KIF6: variants seen among roughly 807,000 people sequenced by gnomAD.
The protein encoded by KIF6 is kinesin-like protein KIF6.
In KIF6, 106 loss-of-function variants were observed where a neutral mutation model predicts 112.7. The ratio of observed to expected loss-of-function variants is 0.94; its 90% CI spans 0.80 to 1.11. The LOEUF is 1.11. Ranked by LOEUF, KIF6 falls within the 50% of genes least tolerant of loss-of-function variation. The pLI is 0.00. For synonymous variants in KIF6, 339 were observed against 339.9 expected, an observed-to-expected ratio of 1.00 and a Z score of 0.03; for missense variants, 929 against 964.0, an observed-to-expected ratio of 0.96 and a Z score of 0.48.
At chr6:39,540,444 T>C (rs1284354591) in intron 12 of KIF6, among the ~76,000 whole-genome samples, 1 of 152,212 alleles carries the variant, frequency 6.6e-6, no homozygotes, top group Non-Finnish European at 1.5e-5. Context: ...CGCAAGGTCT[T>C]TACAATGTTC....
intron 3 of KIF6, among the ~76,000 whole-genome samples, chr6:39,696,113 A>G (rs1788521260): frequency 6.6e-6 from 1 of 152,124 alleles, no homozygotes; most frequent in Admixed American, 6.5e-5. Flanking sequence ...AACAATAAGC[A>G]CTGGGGATTC....
At chr6:39,602,387 A>G (rs951400553) in intron 6 of KIF6, among the ~76,000 whole-genome samples, 11 of 152,064 alleles carry the variant, frequency 7.2e-5, no homozygotes, top group African/African-American at 2.7e-4. Flanking sequence ...TTTACTTCTC[A>G]CTGAAGTTCC....
intron 10 of KIF6, among the ~76,000 whole-genome samples, chr6:39,573,162 GACA>G (rs1319813478): frequency 6.6e-6 from 1 of 151,934 alleles, no homozygotes; most frequent in Non-Finnish European, 1.5e-5. Flanking sequence ...ACTGTGTCCT[GACA>G]AGCTCTGGGA....
chr6:39,419,933 A>G lies in KIF6; in HGVS notation c.1810+15T>C. On this transcript the variant is annotated intron_variant, in intron 15 of 22. Transcript: ENST00000287152. ...ATGGTTTCTGAAAGAGGCTCACAGA[A>G]TATCATCTGCTTACCAATTTTACTT... 6.2e-7 allele frequency: 1 copy of G among 1,606,880 alleles called. No homozygotes were observed. The highest frequency in any genetic ancestry group is 1.7e-5 in the Admixed American group (1 of 60,022).
intron 22 of KIF6, among the ~76,000 whole-genome samples, chr6:39,339,588 G>T (rs1763210169): frequency 6.6e-6 from 1 of 152,006 alleles, no homozygotes; most frequent in East Asian, 1.9e-4. Context: ...TTTCCAGATG[G>T]GAATACTTCC....
At chr6:39,709,570 C>T (rs1471982145) in intron 3 of KIF6, among the ~76,000 whole-genome samples, 1 of 152,202 alleles carries the variant, frequency 6.6e-6, no homozygotes, top group Non-Finnish European at 1.5e-5. Flanking sequence ...TTGGGGACCC[C>T]TGCTACATAG....
At chr6:39,643,237 G>A (rs1265293454) in intron 3 of KIF6, among the ~76,000 whole-genome samples, 1 of 149,430 alleles carries the variant, frequency 6.7e-6, no homozygotes, top group Admixed American at 6.7e-5. Context: ...CTGTGTAGAT[G>A]GCAATATTCC....
chr6:39,464,105 A>G (rs1291050416), intron 13 of KIF6, among the ~76,000 whole-genome samples: 1 of 152,156 alleles, frequency 6.6e-6, no homozygotes, highest in Non-Finnish European at 1.5e-5. Context: ...GGTGGGACCA[A>G]AAGCAGCAGG....
At chr6:39,720,952 T>C (rs907489319) in intron 1 of KIF6, 141 bp from the exon 2 acceptor site, 1 of 575,140 alleles carries the variant, frequency 1.7e-6, no homozygotes, top group African/African-American at 1.9e-5. Flanking sequence ...TTGAATAATT[T>C]TTCTCTTTGA....
At chr6:39,574,928 A>G (rs1286369795) in intron 10 of KIF6, among the ~76,000 whole-genome samples, 1 of 152,124 alleles carries the variant, frequency 6.6e-6, no homozygotes, top group Non-Finnish European at 1.5e-5. Flanking sequence ...TTATTGAGCC[A>G]TCTGTTAAGT....
chr6:39,401,329 C>T (rs1431482580), intron 15 of KIF6, among the ~76,000 whole-genome samples: 1 of 152,210 alleles, frequency 6.6e-6, no homozygotes, highest in Non-Finnish European at 1.5e-5. Context: ...ACCCCATACC[C>T]CCTATCTTAG....
rs1443982685 is a variant in KIF6, at chr6:39,342,594, G to GTTTTTTTTTTTTT, written c.2428+1114_2428+1115insAAAAAAAAAAAAA. On this transcript the variant is annotated intron_variant, in intron 22 of 22. Transcript: ENST00000287152. The surrounding 1 kb of genome is among the most constrained non-coding windows in gnomAD (Gnocchi z 4.7). ...GGGGACTTGGAGATCACTGAATCCA[G>GTTTTTTTTTTTTT]TTTTTTATTTTTTTTTATTTTTTTT... Among the ~76,000 whole-genome samples the GTTTTTTTTTTTTT allele has an allele frequency of 2.4e-5, 3 of 124,308 alleles. No individual in the cohort carries two copies. The highest frequency in any genetic ancestry group is 4.4e-5 in the African/African-American group (1 of 22,824). 81.6% of individuals were successfully genotyped at this position (124,308 alleles called of 152,430 possible). A position where few individuals can be genotyped will look rare whatever the true frequency, so the allele number is the denominator to read the frequency against.
At chr6:39,544,295 T>C (rs1778947321) in intron 12 of KIF6, among the ~76,000 whole-genome samples, 1 of 152,202 alleles carries the variant, frequency 6.6e-6, no homozygotes, top group African/African-American at 2.4e-5. Context: ...GTAAAAAGGC[T>C]CATACTTTGA....
chr6:39,624,305 T>C (rs1484339477), intron 5 of KIF6, among the ~76,000 whole-genome samples: 1 of 152,214 alleles, frequency 6.6e-6, no homozygotes, highest in Non-Finnish European at 1.5e-5. Context: ...ATTCTTGCAA[T>C]ATGGTAAATT....
At chr6:39,633,034 T>C (rs1364339940) in intron 5 of KIF6, among the ~76,000 whole-genome samples, 1 of 151,890 alleles carries the variant, frequency 6.6e-6, no homozygotes, top group Non-Finnish European at 1.5e-5. Flanking sequence ...CATAGATAAG[T>C]TTGCTGTCTA....
chr6:39,454,598 A>G (rs1473240569), intron 13 of KIF6, among the ~76,000 whole-genome samples: 17 of 151,044 alleles, frequency 1.1e-4, no homozygotes, highest in Non-Finnish European at 2.2e-4. Flanking sequence ...CTGCATTTCC[A>G]TCTGAGGTAC....
At chr6:39,476,067 G>C (rs575226427) in intron 13 of KIF6, among the ~76,000 whole-genome samples, 24 of 152,196 alleles carry the variant, frequency 1.6e-4, no homozygotes, top group African/African-American at 5.3e-4. Flanking sequence ...GGAAGGAAGA[G>C]CATCAGTATA....
chr6:39,524,730 C>A (rs896074607), intron 13 of KIF6, among the ~76,000 whole-genome samples: 1 of 152,218 alleles, frequency 6.6e-6, no homozygotes, highest in African/African-American at 2.4e-5. Context: ...AGGCTGTTGT[C>A]AGCTGGCAAA....
At chr6:39,694,323 G>A (rs1216539262) in intron 3 of KIF6, among the ~76,000 whole-genome samples, 1 of 152,064 alleles carries the variant, frequency 6.6e-6, no homozygotes, top group African/African-American at 2.4e-5. Flanking sequence ...ACCCAGAACA[G>A]TCAGGCAAAA....
Sources: allele counts gnomAD v4.1 joint callset (sites outside exome capture counted in the v4.1 genomes callset), GRCh38; gene constraint gnomAD v4.1.1; non-coding constraint Gnocchi (gnomAD v3.1); transcripts MANE v1.5; gene names NCBI Gene and HGNC (gene_info 2026-07-23, HGNC 2026-07-21).